LRP1B: variants seen among roughly 807,000 people sequenced by gnomAD.
LRP1B encodes low-density lipoprotein receptor-related protein 1B.
A neutral mutation model predicts 556.6 loss-of-function variants in LRP1B; 217 were observed. That is an observed-to-expected ratio of 0.39 (90% CI 0.35 to 0.44). The LOEUF is 0.44. Among genes scored for constraint, LRP1B ranks in the 20% least tolerant of loss-of-function variants. The pLI is 1.00. For missense variants in LRP1B, 5,053 were observed against 5,620.8 expected (o/e 0.90, Z 3.23); for synonymous variants, 2,047 against 1,865.8 (o/e 1.10, Z -2.50).
intron 43 of LRP1B, among the ~76,000 whole-genome samples, chr2:140,575,714 G>A (rs934424160): frequency 7.9e-5 from 12 of 151,802 alleles, no homozygotes; most frequent in African/African-American, 2.2e-4. Context: ...ATGAGGTCAG[G>A]AGATCATCAA....
At chr2:140,298,156 T>C (rs1227924708) in intron 83 of LRP1B, among the ~76,000 whole-genome samples, 187 bp from the exon 84 acceptor site, 2 of 152,218 alleles carry the variant, frequency 1.3e-5, no homozygotes, top group Non-Finnish European at 1.5e-5. Flanking sequence ...CAAGGAAATC[T>C]AGGTTAGAAG....
chr2:140,801,532 C>A (rs944134169), intron 32 of LRP1B, among the ~76,000 whole-genome samples: 11 of 151,616 alleles, frequency 7.3e-5, no homozygotes, highest in African/African-American at 2.7e-4. Context: ...ACTTGAGTCA[C>A]AATCCCAGAG....
chr2:141,520,962 TAGA>T (rs1266144047), intron 2 of LRP1B, among the ~76,000 whole-genome samples: 2 of 152,070 alleles, frequency 1.3e-5, no homozygotes, highest in African/African-American at 2.4e-5. Context: ...TGGTCGGTGA[TAGA>T]AGAAGGAGGG....
At chr2:141,738,089 C>T (rs1302780801) in intron 2 of LRP1B, among the ~76,000 whole-genome samples, 1 of 152,070 alleles carries the variant, frequency 6.6e-6, no homozygotes, top group East Asian at 1.9e-4. Context: ...ATATTATCCA[C>T]AGATCAGTAC....
chr2:140,848,142 A>G lies in LRP1B; in HGVS notation c.4939+1960T>C, dbSNP rs540487560. Among the ~76,000 whole-genome samples, 265 of 152,258 alleles carry G rather than the reference A, an allele frequency of 1.7e-3. 1 individual carries two copies. The highest frequency in any genetic ancestry group is 6.1e-3 in the African/African-American group (254 of 41,560). On this transcript the variant is annotated intron_variant, in intron 29 of 90. Transcript: ENST00000389484. ...TTGGTGAATTTCTTGAGGGAAGACC[A>G]CCTAACTGATTGTCAATCTTCAGAG...
At chr2:142,042,302 C>T (rs1247048423) in intron 1 of LRP1B, among the ~76,000 whole-genome samples, 1 of 151,304 alleles carries the variant, frequency 6.6e-6, no homozygotes, top group African/African-American at 2.4e-5. Context: ...GGTCAGTGTG[C>T]TGTAAAAATG....
chr2:140,384,134 G>A (rs1204438857), intron 67 of LRP1B, among the ~76,000 whole-genome samples: 1 of 152,084 alleles, frequency 6.6e-6, no homozygotes, highest in African/African-American at 2.4e-5. Flanking sequence ...ACCACACCAT[G>A]AATAAAAGTT....
At chr2:140,809,325 TCTC>T (rs1690837006) in intron 32 of LRP1B, among the ~76,000 whole-genome samples, 4 of 152,084 alleles carry the variant, frequency 2.6e-5, no homozygotes, top group Admixed American at 2.6e-4. Context: ...ATTTCTTCCT[TCTC>T]CTCAAAAATA....
chr2:141,935,647 G>A (rs1045454883), intron 1 of LRP1B, among the ~76,000 whole-genome samples: 1 of 152,094 alleles, frequency 6.6e-6, no homozygotes, highest in African/African-American at 2.4e-5. Flanking sequence ...GTGACAAGAT[G>A]ATCAGAACAA....
At chr2:141,494,788 A>C (rs1683457608) in intron 2 of LRP1B, among the ~76,000 whole-genome samples, 1 of 146,480 alleles carries the variant, frequency 6.8e-6, no homozygotes, top group African/African-American at 2.5e-5. Flanking sequence ...TATTTAGAGT[A>C]AAAGAAGAAC....
At chr2:141,069,301 C>T (rs56360585) in intron 7 of LRP1B, among the ~76,000 whole-genome samples, 1 of 152,032 alleles carries the variant, frequency 6.6e-6, no homozygotes, top group South Asian at 2.1e-4. Context: ...AGTAAGAAAC[C>T]TGACACTGTG....
intron 3 of LRP1B, among the ~76,000 whole-genome samples, chr2:141,271,734 A>G (rs559883552): frequency 1.4e-3 from 209 of 151,604 alleles, no homozygotes; most frequent in African/African-American, 4.9e-3. Flanking sequence ...CTTTAGACAC[A>G]GAACAATTGA....
chr2:140,372,992 A>AC lies in LRP1B; in HGVS notation c.10768+15dup, dbSNP rs772242448. The stretch of plus-strand genomic sequence containing the variant: ...TAAAATGTTAACTAAATGATATATT[A>AC]CTTCAATCCTTTTACCTGGCTCACA... On this transcript the variant is annotated intron_variant, in intron 69 of 90. Transcript: ENST00000389484. 6.2e-7 allele frequency: 1 copy of AC among 1,611,816 alleles called. No individual in the cohort carries two copies.
At chr2:141,775,804 C>A (rs1695049048) in intron 2 of LRP1B, among the ~76,000 whole-genome samples, 1 of 150,282 alleles carries the variant, frequency 6.7e-6, no homozygotes, top group South Asian at 2.1e-4. Flanking sequence ...AATTGAGATA[C>A]TGAAATATGT....
At chr2:141,651,429 G>A (rs989620190) in intron 2 of LRP1B, among the ~76,000 whole-genome samples, 5 of 152,074 alleles carry the variant, frequency 3.3e-5, no homozygotes, top group South Asian at 2.1e-4. Flanking sequence ...TTTGGGAGGC[G>A]GAGGCAGGCA....
intron 43 of LRP1B, among the ~76,000 whole-genome samples, chr2:140,565,835 G>A (rs1681104456): frequency 6.6e-6 from 1 of 152,152 alleles, no homozygotes. Flanking sequence ...GGAGTCAGGA[G>A]GAACTTCTCC....
At chr2:140,269,154 C>T (rs941142964) in intron 86 of LRP1B, 16 of 406,978 alleles carry the variant, frequency 3.9e-5, no homozygotes, top group East Asian at 7.2e-5. Context: ...AGATGAGCCC[C>T]GAGATTAAGT....
chr2:141,729,806 AGGTGGAGTAAAACAGTGG>A (rs1436934477), intron 2 of LRP1B, among the ~76,000 whole-genome samples: 6 of 152,140 alleles, frequency 3.9e-5, no homozygotes, highest in African/African-American at 1.4e-4. Context: ...GTAGTACTGT[AGGTGGAGTAAAACAGTGG>A]GGTGAAGAAC....
At chr2:140,849,634 G>A (rs2105116037) in intron 29 of LRP1B, among the ~76,000 whole-genome samples, 1 of 152,052 alleles carries the variant, frequency 6.6e-6, no homozygotes, top group African/African-American at 2.4e-5. Context: ...CCGCCTGCCA[G>A]GTTCAAGTGA....
Sources: allele counts gnomAD v4.1 joint callset (sites outside exome capture counted in the v4.1 genomes callset), GRCh38; gene constraint gnomAD v4.1.1; transcripts MANE v1.5; gene names NCBI Gene and HGNC (gene_info 2026-07-23, HGNC 2026-07-21).